Variants in MRPL1 observed in about 807,000 individuals in gnomAD.
The protein encoded by MRPL1 is large ribosomal subunit protein uL1m.
Under a neutral mutation model 38.0 loss-of-function variants are expected in MRPL1, and 28 were observed. The observed-to-expected ratio is 0.74, with a 90% CI of 0.55 to 1.01. The LOEUF (loss-of-function observed/expected upper bound fraction) is 1.01. Ranked by LOEUF, MRPL1 falls within the 50% of genes least tolerant of loss-of-function variation. The probability of loss-of-function intolerance (pLI) is 0.00; values close to 1 mark genes in which losing one functional copy is unlikely to be tolerated. For synonymous variants in MRPL1, 123 were observed against 126.7 expected (o/e 0.97, Z 0.20); for missense variants, 358 against 389.8 (o/e 0.92, Z 0.69).
chr4:77,865,625 T>G (rs988823152), intron 1 of MRPL1, among the ~76,000 whole-genome samples: 9 of 152,152 alleles, frequency 5.9e-5, no homozygotes, highest in Non-Finnish European at 8.8e-5. Context: ...TTCAGTCTCC[T>G]GAAGTGCTGG....
At chr4:77,938,128 C>T (rs997380099) in intron 7 of MRPL1, among the ~76,000 whole-genome samples, 1 of 152,222 alleles carries the variant, frequency 6.6e-6, no homozygotes, top group Non-Finnish European at 1.5e-5. Context: ...CAGCTCTCCA[C>T]CTGTTTTTGT....
chr4:77,879,352 T>C (rs1039455760), intron 2 of MRPL1, among the ~76,000 whole-genome samples: 4 of 152,226 alleles, frequency 2.6e-5, no homozygotes, highest in Non-Finnish European at 2.9e-5. Flanking sequence ...AATGTTGTTA[T>C]ACTTTTTTTG....
At chr4:77,948,560 A>G (rs539201709) in intron 7 of MRPL1, among the ~76,000 whole-genome samples, 1 of 152,188 alleles carries the variant, frequency 6.6e-6, no homozygotes, top group Non-Finnish European at 1.5e-5. Flanking sequence ...TTGGTACTGC[A>G]TCATGCCCAA....
In MRPL1 at chr4:77,862,947, A is replaced by C. The variant is rs1470456783; in HGVS notation, c.31+68A>C. 12 of 1,586,390 alleles carry C rather than the reference A, an allele frequency of 7.6e-6. 1 individual carries two copies. The highest frequency in any genetic ancestry group is 2.2e-5 in the South Asian group (2 of 90,266). On this transcript the variant is annotated intron_variant, in intron 1 of 8. Transcript: ENST00000315567. Reference sequence around the variant, plus strand: ...CGAGTCTCTGGTTGCAGCAGAGTGCAAGGCGGATTCTGCTCTGGGTGCTGA... The same window carrying C: ...CGAGTCTCTGGTTGCAGCAGAGTGCCAGGCGGATTCTGCTCTGGGTGCTGA...
At chr4:77,937,899 G>C (rs1737024840) in intron 7 of MRPL1, among the ~76,000 whole-genome samples, 1 of 151,960 alleles carries the variant, frequency 6.6e-6, no homozygotes, top group South Asian at 2.1e-4. Context: ...CTGCATAGTA[G>C]ATACATAGTA....
chr4:77,936,345 A>G (rs1236060809), intron 7 of MRPL1, among the ~76,000 whole-genome samples: 1 of 152,150 alleles, frequency 6.6e-6, no homozygotes, highest in Non-Finnish European at 1.5e-5. Flanking sequence ...TTTGTTGGGC[A>G]TAATAGATAC....
chr4:77,923,616 C>G (rs1736641089), intron 7 of MRPL1, among the ~76,000 whole-genome samples: 1 of 151,908 alleles, frequency 6.6e-6, no homozygotes. Context: ...ATGACTCAAT[C>G]AAACTTATGT....
At chr4:77,874,931 G>A (rs1203967522) in intron 2 of MRPL1, among the ~76,000 whole-genome samples, 11 of 151,474 alleles carry the variant, frequency 7.3e-5, no homozygotes, top group Non-Finnish European at 1.3e-4. Context: ...ACAGGCACAC[G>A]CCACAACGCC....
At chr4:77,913,438 A>G (rs1404896932) in intron 7 of MRPL1, among the ~76,000 whole-genome samples, 1 of 152,238 alleles carries the variant, frequency 6.6e-6, no homozygotes, top group African/African-American at 2.4e-5. Flanking sequence ...AATGAAAACC[A>G]CAATGGGATA....
intron 7 of MRPL1, among the ~76,000 whole-genome samples, chr4:77,925,178 C>T (rs1176761053): frequency 6.6e-6 from 1 of 152,044 alleles, no homozygotes; most frequent in Admixed American, 6.6e-5. Flanking sequence ...CACCCGTAAA[C>T]ATTTTAGCAT....
intron 6 of MRPL1, chr4:77,907,346 A>T (rs994552688): frequency 4.3e-6 from 1 of 234,052 alleles, no homozygotes. Context: ...CTTAATTTTT[A>T]TCCTGATTCC....
chr4:77,871,759 A>C lies in MRPL1; in HGVS notation c.47A>C (p.Gln16Pro). 1.3e-6 allele frequency: 2 copies of C among 1,551,592 alleles called. No homozygotes were observed. Among genetic ancestry groups the C allele is most frequent in the Non-Finnish European group, 1.7e-6 (2 of 1,152,664 alleles). Residue 16 changes from glutamine (Q) to proline (P), a missense_variant, in exon 2 of 9, where the codon CAA becomes CCA. Coordinates refer to ENST00000315567, the MANE Select transcript of MRPL1 (RefSeq NM_020236.4). The stretch of plus-strand genomic sequence containing the variant: ...TCCTTTCAAGCCTTGATACATCATC[A>C]AAGGCATAGCCTTTCCAAGATGGTT... ...RCMGRALIHH[Q>P]RHSLSKMVYQ...
At chr4:77,866,145 A>C (rs574244203) in intron 1 of MRPL1, among the ~76,000 whole-genome samples, 1 of 152,246 alleles carries the variant, frequency 6.6e-6, no homozygotes, top group South Asian at 2.1e-4. Flanking sequence ...TGTGCCTCCC[A>C]GGTTCAAGTG....
At chr4:77,891,417 G>A (rs1281612902) in intron 5 of MRPL1, among the ~76,000 whole-genome samples, 4 of 150,208 alleles carry the variant, frequency 2.7e-5, no homozygotes. Flanking sequence ...GTGCAGTGAC[G>A]TGATCTCGGC....
chr4:77,883,368 C>A lies in MRPL1; in HGVS notation c.270C>A (p.Arg90=). ...CTGAGGATGATGTCTATTTAAAACG[C>A]TTATACCCGAGACAGATATATGAGG... ...GEPEDDVYLK[R]LYPRQIYEVE... The change falls in exon 3 of 9, where the codon CGC becomes CGA. Residue 90 remains arginine (R), a synonymous_variant. Coordinates refer to ENST00000315567, the MANE Select transcript of MRPL1 (RefSeq NM_020236.4). 6.2e-7 allele frequency: 1 copy of A among 1,613,920 alleles called. No individual in the cohort carries two copies.
intron 3 of MRPL1, 74 bp from the exon 4 acceptor site, chr4:77,885,182 T>C (rs1357405099): frequency 8.9e-7 from 1 of 1,119,496 alleles, no homozygotes; most frequent in South Asian, 1.3e-5. Context: ...ACATGTCCGT[T>C]CTTGTTTTAT....
At chr4:77,935,390 A>T (rs1736942554) in intron 7 of MRPL1, among the ~76,000 whole-genome samples, 1 of 152,066 alleles carries the variant, frequency 6.6e-6, no homozygotes, top group Admixed American at 6.5e-5. Context: ...AACAGTGAAA[A>T]TAATTCTTTT....
chr4:77,869,929 C>T (rs1446146354), intron 1 of MRPL1, among the ~76,000 whole-genome samples: 1 of 151,880 alleles, frequency 6.6e-6, no homozygotes, highest in Non-Finnish European at 1.5e-5. Context: ...GTCACCCAGT[C>T]TGGAGTGGAA....
chr4:77,938,154 A>G (rs1423104037), intron 7 of MRPL1, among the ~76,000 whole-genome samples: 1 of 152,234 alleles, frequency 6.6e-6, no homozygotes, highest in Non-Finnish European at 1.5e-5. Context: ...AAGTTTTGTT[A>G]GAATATAACT....
Sources: gnomAD v4.1 joint callset for allele counts (sites outside exome capture counted in the v4.1 genomes callset) on GRCh38, gnomAD v4.1.1 for gene constraint, MANE v1.5 for transcripts, NCBI Gene and HGNC (gene_info 2026-07-23, HGNC 2026-07-21) for gene names.